The following NRCAM variants were observed in gnomAD, a reference collection of about 807,000 sequenced individuals.
The protein encoded by NRCAM is NgCAM-related cell adhesion molecule.
NRCAM carries 83 observed loss-of-function variants against 156.5 expected under a neutral mutation model. The ratio of observed to expected loss-of-function variants is 0.53; its 90% CI spans 0.44 to 0.64. The LOEUF (loss-of-function observed/expected upper bound fraction) is 0.64. Among genes scored for constraint, NRCAM ranks in the 30% least tolerant of loss-of-function variants. The pLI is 0.00. For missense variants in NRCAM, 1,417 were observed against 1,597.3 expected (o/e 0.89, Z 1.92); for synonymous variants, 538 against 563.9 (o/e 0.95, Z 0.65).
chr7:108,189,334 A>G (rs2069535351), intron 20 of NRCAM, among the ~76,000 whole-genome samples: 1 of 152,238 alleles, frequency 6.6e-6, no homozygotes, highest in Non-Finnish European at 1.5e-5. Flanking sequence ...CAAAATAAAC[A>G]ACTAACTTAA....
intron 11 of NRCAM, among the ~76,000 whole-genome samples, chr7:108,211,036 C>T (rs1378598900): frequency 6.6e-6 from 1 of 152,212 alleles, no homozygotes; most frequent in African/African-American, 2.4e-5. Context: ...AACAAACCTG[C>T]TGAAAGGACT....
At chr7:108,205,761 G>A (rs1338448737) in intron 13 of NRCAM, among the ~76,000 whole-genome samples, 1 of 152,050 alleles carries the variant, frequency 6.6e-6, no homozygotes, top group South Asian at 2.1e-4. Context: ...ATTTTTTGTT[G>A]ATTTTTTTGT....
chr7:108,356,957 G>T (rs1355984162), intron 2 of NRCAM, among the ~76,000 whole-genome samples: 1 of 152,176 alleles, frequency 6.6e-6, no homozygotes, highest in African/African-American at 2.4e-5. Context: ...CGTAAGAAAA[G>T]ACAATGGACC....
At chr7:108,152,611 T>C (rs958191758) in intron 32 of NRCAM, among the ~76,000 whole-genome samples, 8 of 152,120 alleles carry the variant, frequency 5.3e-5, no homozygotes, top group Non-Finnish European at 1.0e-4. Flanking sequence ...GTGTTGAGAA[T>C]AGCCTACCTT....
At chr7:108,150,227 T>G (rs1358867879) in intron 32 of NRCAM, 80 bp from the exon 33 acceptor site, 1 of 1,191,294 alleles carries the variant, frequency 8.4e-7, no homozygotes, top group Non-Finnish European at 1.2e-6. Flanking sequence ...GCATGCAAAT[T>G]ATGAGAAAGC....
At chr7:108,405,567 G>A (rs895390382) in intron 1 of NRCAM, among the ~76,000 whole-genome samples, 6 of 152,194 alleles carry the variant, frequency 3.9e-5, no homozygotes, top group Non-Finnish European at 7.3e-5. Flanking sequence ...TGTCAGAGAT[G>A]GCATTTGAAC....
intron 1 of NRCAM, among the ~76,000 whole-genome samples, chr7:108,439,852 A>AAG (rs1227610929): frequency 1.3e-5 from 2 of 151,642 alleles, no homozygotes; most frequent in Non-Finnish European, 2.9e-5. Flanking sequence ...AAAAAAAAAA[A>AAG]AAGGACAGGC....
At chr7:108,231,672 T>C (rs766333891) in intron 7 of NRCAM, among the ~76,000 whole-genome samples, 6 of 152,126 alleles carry the variant, frequency 3.9e-5, no homozygotes, top group Admixed American at 6.5e-5. Flanking sequence ...TAGGAAAAAA[T>C]AGAAAGAATA....
intron 3 of NRCAM, among the ~76,000 whole-genome samples, chr7:108,285,367 G>A (rs981251915): frequency 5.3e-5 from 8 of 152,040 alleles, no homozygotes; most frequent in African/African-American, 1.9e-4. Context: ...TACAGGTACT[G>A]GCTCTATCAG....
chr7:108,194,021 T>C lies in NRCAM; in HGVS notation c.1778+3A>G. ...AGAAAGTAAAGAAATCGTCTTCAAATACCTTTCATCACTGGGCAGTTCCCT... is the reference window on the plus strand; with the variant it reads ...AGAAAGTAAAGAAATCGTCTTCAAACACCTTTCATCACTGGGCAGTTCCCT... On this transcript the variant is annotated splice_donor_region_variant and intron_variant, in intron 17 of 32. Transcript: ENST00000379028. 5 of 1,612,192 alleles carry C rather than the reference T, an allele frequency of 3.1e-6. No individual in the cohort carries two copies. The highest frequency in any genetic ancestry group is 4.2e-6 in the Non-Finnish European group (5 of 1,179,180).
At chr7:108,328,952 A>G (rs2099099519) in intron 2 of NRCAM, among the ~76,000 whole-genome samples, 1 of 152,170 alleles carries the variant, frequency 6.6e-6, no homozygotes, top group African/African-American at 2.4e-5. Context: ...CTCAGAACCT[A>G]CATCACATAG....
chr7:108,192,840 C>T (rs926007942), intron 17 of NRCAM, among the ~76,000 whole-genome samples: 1 of 152,080 alleles, frequency 6.6e-6, no homozygotes, highest in African/African-American at 2.4e-5. Context: ...TTTAGATGAA[C>T]AATCTCTCTA....
At chr7:108,430,439 A>T (rs1311786129) in intron 1 of NRCAM, among the ~76,000 whole-genome samples, 1 of 152,122 alleles carries the variant, frequency 6.6e-6, no homozygotes, top group Non-Finnish European at 1.5e-5. Context: ...GGATCTCCCG[A>T]TAGATTAGAT....
chr7:108,369,230 GATT>G lies in NRCAM; in HGVS notation c.-174+30203_-174+30205del, dbSNP rs1004654855. ...TATCTGAGTAATTTTATATTTATAG[GATT>G]ATAATTACAAAACATCTAATTTATA... On this transcript the variant is annotated intron_variant, in intron 2 of 32. Transcript: ENST00000379028. Among the ~76,000 whole-genome samples the G allele has an allele frequency of 2.6e-5, 4 of 151,692 alleles. No homozygotes were observed. The East Asian group carries it at 5.8e-4, about 22-fold the overall frequency.
chr7:108,178,194 C>T (rs376495234), intron 25 of NRCAM, 82 bp from the exon 26 acceptor site: 325 of 1,453,024 alleles, frequency 2.2e-4, no homozygotes, highest in Non-Finnish European at 2.6e-4. Context: ...CGTGCTCGCA[C>T]GATTCAAGGT....
intron 2 of NRCAM, among the ~76,000 whole-genome samples, chr7:108,392,180 G>T (rs2099762447): frequency 6.6e-6 from 1 of 152,128 alleles, no homozygotes; most frequent in African/African-American, 2.4e-5. Context: ...TTCCAACTTG[G>T]TTCCATTCTC....
At chr7:108,162,793 A>C (rs1164489424) in intron 30 of NRCAM, among the ~76,000 whole-genome samples, 1 of 152,282 alleles carries the variant, frequency 6.6e-6, no homozygotes, top group Non-Finnish European at 1.5e-5. Flanking sequence ...GTGCACACAC[A>C]CAGTCACATT....
chr7:108,397,974 G>A (rs989686910), intron 2 of NRCAM, among the ~76,000 whole-genome samples: 1 of 152,192 alleles, frequency 6.6e-6, no homozygotes, highest in Non-Finnish European at 1.5e-5. Flanking sequence ...AGAGAATGTG[G>A]TAAGTTGTGC....
chr7:108,161,019 C>T (rs1465169702), intron 30 of NRCAM, among the ~76,000 whole-genome samples: 2 of 152,140 alleles, frequency 1.3e-5, no homozygotes, highest in Non-Finnish European at 2.9e-5. Flanking sequence ...CACAAGAAAC[C>T]TTTCCAGATC....
Sources: allele counts gnomAD v4.1 joint callset (sites outside exome capture counted in the v4.1 genomes callset), GRCh38; gene constraint gnomAD v4.1.1; transcripts MANE v1.5; gene names NCBI Gene and HGNC (gene_info 2026-07-23, HGNC 2026-07-21).